The following USP6NL variants were observed in gnomAD, a reference collection of about 807,000 sequenced individuals.
The protein encoded by USP6NL is USP6 N-terminal like, also known as USP6 N-terminal-like protein.
In USP6NL, 26 loss-of-function variants were observed where a neutral mutation model predicts 61.9. The observed-to-expected ratio is 0.42, with a 90% CI of 0.31 to 0.58. USP6NL has a LOEUF of 0.58. Among genes scored for constraint, USP6NL ranks in the 20% least tolerant of loss-of-function variants. The pLI is 0.16. For synonymous variants in USP6NL, 432 were observed against 390.1 expected, an observed-to-expected ratio of 1.11 and a Z score of -1.27; for missense variants, 1,114 against 1,034.3, an observed-to-expected ratio of 1.08 and a Z score of -1.06.
intron 5 of USP6NL, among the ~76,000 whole-genome samples, chr10:11,514,075 G>A (rs930652209): frequency 2.0e-5 from 3 of 152,210 alleles, no homozygotes; most frequent in African/African-American, 7.2e-5. Context: ...TCATCATTCA[G>A]TAAAGGTTAG....
At chr10:11,549,045 G>A (rs1444832551) in intron 2 of USP6NL, among the ~76,000 whole-genome samples, 1 of 152,054 alleles carries the variant, frequency 6.6e-6, no homozygotes, top group African/African-American at 2.4e-5. Flanking sequence ...CTTCTCTTCG[G>A]AGTCTAGTCT....
chr10:11,550,832 A>C (rs1208394481), intron 2 of USP6NL, among the ~76,000 whole-genome samples: 1 of 152,120 alleles, frequency 6.6e-6, no homozygotes, highest in Non-Finnish European at 1.5e-5. Context: ...TAGACACTTC[A>C]CAAAAGACAC....
chr10:11,542,398 A>G (rs1225249674), intron 2 of USP6NL, among the ~76,000 whole-genome samples: 2 of 152,226 alleles, frequency 1.3e-5, no homozygotes, highest in South Asian at 2.1e-4. Flanking sequence ...TTTAGGTACA[A>G]AACAACGTTT....
At position 11,489,231 on chromosome 10, in the gene USP6NL, C is replaced by G; in HGVS notation, c.544-9G>C. 6.2e-7 allele frequency: 1 copy of G among 1,611,844 alleles called. No homozygotes were observed. The highest frequency in any genetic ancestry group is 1.7e-4 in the Middle Eastern group (1 of 6,024). ...TGACAATACCCGACTTCCTGGGGAG[C>G]AAAGGGGAACACAGAAGCTGGGGAG... On this transcript the variant is annotated splice_polypyrimidine_tract_variant and intron_variant, in intron 9 of 14. Transcript: ENST00000609104. The surrounding 1 kb of genome is among the most constrained non-coding windows in gnomAD (Gnocchi z 5.7).
intron 2 of USP6NL, among the ~76,000 whole-genome samples, chr10:11,580,601 G>T (rs1460561471): frequency 6.6e-6 from 1 of 152,174 alleles, no homozygotes; most frequent in East Asian, 1.9e-4. Context: ...CACCTGGGGA[G>T]TTTCAAAGGA....
At chr10:11,556,630 C>T (rs759250742) in intron 2 of USP6NL, among the ~76,000 whole-genome samples, 5 of 152,130 alleles carry the variant, frequency 3.3e-5, no homozygotes, top group Non-Finnish European at 5.9e-5. Context: ...TAACACTGTA[C>T]TTATCTCGGA....
rs2096224945 is a variant in USP6NL at position 11,463,268 on chromosome 10, C to G, written c.1660G>C (p.Val554Leu). Residue 554 changes from valine (V) to leucine (L), a missense_variant, in exon 15 of 15, where the codon GTG becomes CTG. By Grantham distance (32) the Val-to-Leu change is conservative (BLOSUM62 1). Transcript: ENST00000609104. The surrounding 1 kb of genome is among the most constrained non-coding windows in gnomAD (Gnocchi z 6.3). Reference sequence around the variant, plus strand: ...CCGCTGTCCAGCTCCGGGCCTGGCACGTTGTCGTACTGCGATGCAGTGGAG... The same window carrying G: ...CCGCTGTCCAGCTCCGGGCCTGGCAGGTTGTCGTACTGCGATGCAGTGGAG... The part of the protein sequence containing the change: ...RGSTASQYDN[V>L]PGPELDSGAS... 2 of 1,613,688 alleles carry G rather than the reference C, an allele frequency of 1.2e-6. No individual in the cohort carries two copies.
In USP6NL at chr10:11,460,639, ATATATATATATATAT is replaced by A. The variant is rs2096211004; in HGVS notation, c.*1787_*1801del. On this transcript the variant is annotated 3_prime_UTR_variant, in exon 15 of 15. Transcript: ENST00000609104. ...ATATTTTTTGCATATATATATATATATATATATATATATATAAAAATCTACAGTATTTACCACTGT... is the reference window on the plus strand; with the variant it reads ...ATATTTTTTGCATATATATATATATAAAAAATCTACAGTATTTACCACTGT... 2 of 145,308 alleles carry A rather than the reference ATATATATATATATAT, an allele frequency of 1.4e-5. No individual in the cohort carries two copies. The highest frequency in any genetic ancestry group is 4.5e-4 in the South Asian group (2 of 4,492). 9.0% of individuals were successfully genotyped at this position (145,308 alleles called of 1,614,324 possible).
chr10:11,547,725 A>G (rs1383092625), intron 2 of USP6NL, among the ~76,000 whole-genome samples: 1 of 152,042 alleles, frequency 6.6e-6, no homozygotes, highest in East Asian at 1.9e-4. Context: ...TATTTTTAGT[A>G]GAGACGGGGT....
rs55781528 is a variant in USP6NL at position 11,511,828 on chromosome 10, T to TACACACACAC, written c.196-2163_196-2154dup. The stretch of plus-strand genomic sequence containing the variant: ...AAATAAAATAAAATAATATATATTA[T>TACACACACAC]ACACACACACACACACACACACCCC... On this transcript the variant is annotated intron_variant, in intron 5 of 14. Transcript: ENST00000609104. The surrounding 1 kb of genome is among the most constrained non-coding windows in gnomAD (Gnocchi z 4.9). Among the ~76,000 whole-genome samples, 1 of 149,798 alleles carries TACACACACAC rather than the reference T, an allele frequency of 6.7e-6. No homozygotes were observed. Among genetic ancestry groups the TACACACACAC allele is most frequent in the Non-Finnish European group, 1.5e-5 (1 of 67,406 alleles).
intron 1 of USP6NL, among the ~76,000 whole-genome samples, chr10:11,604,975 G>A (rs1398562447): frequency 6.6e-6 from 1 of 152,166 alleles, no homozygotes; most frequent in African/African-American, 2.4e-5. Context: ...TGTATGTTAT[G>A]TGAGTGATTA....
chr10:11,547,787 G>T lies in USP6NL; in HGVS notation c.5-20220C>A, dbSNP rs368024904. On this transcript the variant is annotated intron_variant, in intron 2 of 14. Transcript: ENST00000609104. ...GATCTCCTGACCTCGTGATCCGCCC[G>T]CCTTGGCCTCCCCAAAGTGCTAGGA... Among the ~76,000 whole-genome samples the T allele has an allele frequency of 5.9e-5, 9 of 152,140 alleles. No individual in the cohort carries two copies. The South Asian group carries it at 1.5e-3, about 25-fold the overall frequency.
At chr10:11,564,629 C>A (rs1216984439) in intron 2 of USP6NL, 1 of 152,164 alleles carries the variant, frequency 6.6e-6, no homozygotes, top group Non-Finnish European at 1.5e-5. Flanking sequence ...TATACACATA[C>A]GCTGTAAGAT....
At chr10:11,515,186 T>C (rs1834902547) in intron 5 of USP6NL, among the ~76,000 whole-genome samples, 1 of 152,200 alleles carries the variant, frequency 6.6e-6, no homozygotes, top group Non-Finnish European at 1.5e-5. Context: ...TATTCAATAA[T>C]CATTTGTTGA....
At chr10:11,517,617 C>T (rs527711925) in intron 5 of USP6NL, among the ~76,000 whole-genome samples, 1 of 152,222 alleles carries the variant, frequency 6.6e-6, no homozygotes, top group African/African-American at 2.4e-5. Context: ...GAGAACCAGA[C>T]AGTCACAAGA....
At chr10:11,536,552 C>T (rs1182130443) in intron 2 of USP6NL, among the ~76,000 whole-genome samples, 1 of 152,046 alleles carries the variant, frequency 6.6e-6, no homozygotes. Flanking sequence ...AGAAACAGTC[C>T]CTTCTTTTTT....
intron 2 of USP6NL, among the ~76,000 whole-genome samples, chr10:11,551,747 C>A (rs964607200): frequency 1.5e-4 from 23 of 152,298 alleles, no homozygotes; most frequent in African/African-American, 5.3e-4. Flanking sequence ...TGACATTCTA[C>A]AACTTCAGTT....
rs369962206 is a variant in USP6NL at position 11,463,704 on chromosome 10, G to A, written c.1224C>T (p.Pro408=). ...GCGGGGAGTGCTCGTGCCTCCTGTG[G>A]GGCGCCCCGCTCTCCCTCCTGCCGC... ...LASGRRESGA[P]HRRHEHSPHP... is the part of the protein sequence containing the mutation. The change falls in exon 15 of 15, where the codon CCC becomes CCT. Residue 408 remains proline (P), a synonymous_variant. Coordinates refer to ENST00000609104, the MANE Select transcript of USP6NL (RefSeq NM_014688.5). The surrounding 1 kb of genome is among the most constrained non-coding windows in gnomAD (Gnocchi z 6.3). 1.4e-4 allele frequency: 227 copies of A among 1,612,438 alleles called. 1 individual carries two copies. The African/African-American group carries it at 2.8e-3, about 20-fold the overall frequency.
chr10:11,550,372 A>ATTCTTATATATCT (rs1836436869), intron 2 of USP6NL, among the ~76,000 whole-genome samples: 1 of 152,234 alleles, frequency 6.6e-6, no homozygotes, highest in Non-Finnish European at 1.5e-5. Flanking sequence ...ATTAGACAGA[A>ATTCTTATATATCT]GGCTTATATC....
Sources: allele counts gnomAD v4.1 joint callset (sites outside exome capture counted in the v4.1 genomes callset), GRCh38; gene constraint gnomAD v4.1.1; non-coding constraint Gnocchi (gnomAD v3.1); transcripts MANE v1.5; gene names NCBI Gene and HGNC (gene_info 2026-07-23, HGNC 2026-07-21).